The following MACF1 variants were observed in gnomAD, a reference collection of about 807,000 sequenced individuals.
MACF1 encodes microtubule actin crosslinking factor 1, also known as microtubule-actin cross-linking factor 1.
MACF1 carries 193 observed loss-of-function variants against 854.8 expected under a neutral mutation model. The ratio of observed to expected loss-of-function variants is 0.23; its 90% confidence interval spans 0.20 to 0.25. MACF1 has a LOEUF of 0.25. Ranked by LOEUF, MACF1 falls within the 10% of genes least tolerant of loss-of-function variation. MACF1 has a pLI of 1.00. For missense variants in MACF1, 7,722 were observed against 8,929.1 expected, an observed-to-expected ratio of 0.86 and a Z score of 5.45; for synonymous variants, 3,185 against 3,226.7, an observed-to-expected ratio of 0.99 and a Z score of 0.44.
At chr1:39,405,087 G>T (rs567897799) in intron 58 of MACF1, among the ~76,000 whole-genome samples, 1 of 152,294 alleles carries the variant, frequency 6.6e-6, no homozygotes, top group African/African-American at 2.4e-5. Flanking sequence ...TTCCTGCAGA[G>T]TGTGTGGAAA....
At chr1:39,393,914 AAG>A (rs567616270) in intron 58 of MACF1, among the ~76,000 whole-genome samples, 5 of 151,834 alleles carry the variant, frequency 3.3e-5, no homozygotes, top group African/African-American at 7.3e-5. Context: ...AAAAGAAAGA[AAG>A]AGAAAGAAAG....
upstream of MACF1, among the ~76,000 whole-genome samples, chr1:39,202,940 A>G (rs1331831713): frequency 6.6e-6 from 1 of 152,160 alleles, no homozygotes; most frequent in East Asian, 1.9e-4. Flanking sequence ...TTCCCATTGT[A>G]TTAGTGGTCC....
intron 15 of MACF1, among the ~76,000 whole-genome samples, chr1:39,291,650 T>A (rs1645792490): frequency 6.6e-6 from 1 of 152,220 alleles, no homozygotes; most frequent in Non-Finnish European, 1.5e-5. Context: ...TCCCTTTTGG[T>A]TGATTACTCC....
At chr1:39,357,150 T>C (rs1647667240) in intron 44 of MACF1, among the ~76,000 whole-genome samples, 1 of 152,164 alleles carries the variant, frequency 6.6e-6, no homozygotes, top group Non-Finnish European at 1.5e-5. Flanking sequence ...TAAAGGGCTA[T>C]ACCTAAAACA....
rs1225012063 is a variant in MACF1, at chr1:39,354,681, C to T, written c.11424+1450C>T. ...CCCAAAGTGTTGGGATTACAGGTGC[C>T]CAGCCTATAAGTTCCTCTTATACCC... On this transcript the variant is annotated intron_variant, in intron 44 of 100. Transcript: ENST00000564288. Among the ~76,000 whole-genome samples, 15 of 152,230 alleles carry T rather than the reference C, an allele frequency of 9.9e-5. No homozygotes were observed. In the South Asian group the frequency reaches 2.7e-3, roughly 27 times the overall value.
intron 2 of MACF1, among the ~76,000 whole-genome samples, chr1:39,101,302 A>G (rs1642068744): frequency 6.7e-6 from 1 of 150,362 alleles, no homozygotes; most frequent in Non-Finnish European, 1.5e-5. Context: ...GGTTGCAGTG[A>G]GCCGAGATCA....
At chr1:39,400,072 T>C (rs920455087) in intron 58 of MACF1, among the ~76,000 whole-genome samples, 18 of 152,208 alleles carry the variant, frequency 1.2e-4, no homozygotes, top group African/African-American at 4.3e-4. Flanking sequence ...AGTTAGTATA[T>C]GTTAAGGGAA....
chr1:39,321,938 G>A (rs893667350), intron 31 of MACF1, among the ~76,000 whole-genome samples: 7 of 152,158 alleles, frequency 4.6e-5, no homozygotes, highest in Non-Finnish European at 2.9e-5. Flanking sequence ...ATTGAGATTA[G>A]ACTAGAAGCA....
chr1:39,175,478 T>C (rs898226915), intron 2 of MACF1, among the ~76,000 whole-genome samples: 1 of 152,236 alleles, frequency 6.6e-6, no homozygotes, highest in African/African-American at 2.4e-5. Context: ...CATGCTCATG[T>C]TCATCCTGGT....
chr1:39,112,506 T>A (rs1170776892), intron 2 of MACF1, among the ~76,000 whole-genome samples: 1 of 152,076 alleles, frequency 6.6e-6, no homozygotes, highest in Non-Finnish European at 1.5e-5. Context: ...GGTGAAACCC[T>A]GTCTCTACTA....
At chr1:39,412,643 A>G in intron 58 of MACF1, 1 of 1,614,000 alleles carries the variant, frequency 6.2e-7, no homozygotes, top group Admixed American at 1.7e-5. Context: ...GCATCATCAG[A>G]GGGAGGGGAG....
intron 2 of MACF1, among the ~76,000 whole-genome samples, chr1:39,244,141 G>T (rs1173900988): frequency 6.6e-6 from 1 of 151,990 alleles, no homozygotes; most frequent in Non-Finnish European, 1.5e-5. Flanking sequence ...GTCTCACTCT[G>T]TTGCTCAGGC....
At chr1:39,363,604 C>CTTTTTTTT (rs1553308665) in intron 49 of MACF1, among the ~76,000 whole-genome samples, 4 of 136,090 alleles carry the variant, frequency 2.9e-5, no homozygotes, top group Non-Finnish European at 6.3e-5. Context: ...TTCTTTCTTT[C>CTTTTTTTT]TTTTTTTTTT....
Position 39,333,669 on chromosome 1 carries a change from CATA to C in MACF1, c.7084_7086del (p.Asn2362del), listed in dbSNP as rs763202473. On this transcript the variant is annotated inframe_deletion, in exon 37 of 101. Coordinates refer to ENST00000564288, the MANE Select transcript of MACF1 (RefSeq NM_001394062.1). ...AGGTCTGATGGATGAGAAATTATTA[CATA>C]ATGTCCTCATGGCAGACAAAGCTAT... The C allele has an allele frequency of 5.6e-6, 9 of 1,614,126 alleles. No homozygotes were observed. The South Asian group carries it at 9.9e-5, about 18-fold the overall frequency.
chr1:39,282,108 G>C (rs1285719303), intron 6 of MACF1, 100 bp from the exon 7 acceptor site: 2 of 1,248,522 alleles, frequency 1.6e-6, no homozygotes, highest in Non-Finnish European at 2.2e-6. Flanking sequence ...TTCCAGCCTT[G>C]GACCTTCGTT....
intron 2 of MACF1, among the ~76,000 whole-genome samples, chr1:39,233,519 C>T (rs1210007948): frequency 1.3e-5 from 2 of 152,126 alleles, no homozygotes; most frequent in Non-Finnish European, 2.9e-5. Context: ...GTCTGATGGG[C>T]TTAGGTCTTC....
At chr1:39,390,809 A>G (rs1031375416) in intron 58 of MACF1, among the ~76,000 whole-genome samples, 4 of 152,280 alleles carry the variant, frequency 2.6e-5, no homozygotes, top group African/African-American at 9.6e-5. Flanking sequence ...TAGGCTCCAA[A>G]ATAGTTTTGT....
chr1:39,413,345 C>T (rs1643122976), intron 58 of MACF1: 1 of 1,392,556 alleles, frequency 7.2e-7, no homozygotes, highest in Non-Finnish European at 9.6e-7. Flanking sequence ...GAGGAGCCCA[C>T]CTCCCCAGCT....
chr1:39,364,373 G>GTT (rs35455035), intron 49 of MACF1, among the ~76,000 whole-genome samples: 71 of 145,244 alleles, frequency 4.9e-4, no homozygotes, highest in East Asian at 1.0e-3. Context: ...AATTTTTAAA[G>GTT]TTTTTTTTTT....
Sources: gnomAD v4.1 joint callset for allele counts (sites outside exome capture counted in the v4.1 genomes callset) on GRCh38, gnomAD v4.1.1 for gene constraint, MANE v1.5 for transcripts, NCBI Gene and HGNC (gene_info 2026-07-23, HGNC 2026-07-21) for gene names.